TRIM14: variants seen among roughly 807,000 people sequenced by gnomAD.
TRIM14 encodes the protein tripartite motif containing 14.
In TRIM14, 28 loss-of-function variants were observed where a neutral mutation model predicts 44.5. The ratio of observed to expected loss-of-function variants is 0.63; its 90% CI spans 0.47 to 0.86. The LOEUF (loss-of-function observed/expected upper bound fraction) is 0.86. Among genes scored for constraint, TRIM14 ranks in the 40% least tolerant of loss-of-function variants. The pLI, the probability that TRIM14 is intolerant of heterozygous loss-of-function variation, is 0.00. For missense variants in TRIM14, 607 were observed against 611.1 expected, an observed-to-expected ratio of 0.99 and a Z score of 0.07; for synonymous variants, 299 against 269.2, an observed-to-expected ratio of 1.11 and a Z score of -1.08.
the TRIM14 span, among the ~76,000 whole-genome samples, chr9:98,060,470 A>T: frequency 6.6e-6 from 1 of 152,244 alleles, no homozygotes; most frequent in African/African-American, 2.4e-5. Flanking sequence ...GGAGTTCAAG[A>T]CCAGCCTGGC....
At chr9:98,102,385 G>A (rs1826431619) in intron 2 of TRIM14, among the ~76,000 whole-genome samples, 1 of 152,112 alleles carries the variant, frequency 6.6e-6, no homozygotes, top group South Asian at 2.1e-4. Flanking sequence ...CTGTGCACCA[G>A]CCTCAGACAG....
At chr9:98,044,221 C>T in the TRIM14 span, among the ~76,000 whole-genome samples, 1 of 151,930 alleles carries the variant, frequency 6.6e-6, no homozygotes, top group Non-Finnish European at 1.5e-5. Context: ...ATATGCCCTT[C>T]CTGGACAAGC....
the TRIM14 span, among the ~76,000 whole-genome samples, chr9:98,057,732 T>C: frequency 6.6e-6 from 1 of 152,148 alleles, no homozygotes; most frequent in African/African-American, 2.4e-5. Context: ...GCCTGCACTA[T>C]GATTCTTTGG....
At chr9:98,051,668 G>T in the TRIM14 span, among the ~76,000 whole-genome samples, 1 of 152,146 alleles carries the variant, frequency 6.6e-6, no homozygotes, top group Admixed American at 6.5e-5. Flanking sequence ...GGGTTAAGAG[G>T]AGTGAGCCAA....
At position 98,087,875 on chromosome 9, in the gene TRIM14, G is replaced by C. The variant is rs1825846634; in HGVS notation, c.924C>G (p.Leu308=). The C allele has an allele frequency of 3.8e-6, 6 of 1,567,978 alleles. No individual in the cohort carries two copies. Among genetic ancestry groups the C allele is most frequent in the Non-Finnish European group, 5.1e-6 (6 of 1,167,346 alleles). The change falls in exon 6 of 6, where the codon CTC becomes CTG. Residue 308 remains leucine (L), a synonymous_variant. Coordinates refer to ENST00000341469, the MANE Select transcript of TRIM14 (RefSeq NM_014788.4). ...GPVPVLRFDA[L]WQVLARDCFA... The stretch of plus-strand genomic sequence containing the variant: ...AGCAGTCACGAGCCAGCACTTGCCA[G>C]AGCGCGTCGAACCGCAGCACGGGCA...
chr9:98,104,941 T>A (rs1826547020), intron 2 of TRIM14, among the ~76,000 whole-genome samples: 1 of 146,752 alleles, frequency 6.8e-6, no homozygotes, highest in Admixed American at 7.0e-5. Context: ...AAAGAAGGCA[T>A]GCTGTCCAAC....
chr9:98,112,105 T>C (rs1432553834), intron 1 of TRIM14, among the ~76,000 whole-genome samples: 1 of 152,222 alleles, frequency 6.6e-6, no homozygotes, highest in Non-Finnish European at 1.5e-5. Flanking sequence ...CTAGAAATTA[T>C]GAAATTATTT....
At chr9:98,045,973 G>T in the TRIM14 span, among the ~76,000 whole-genome samples, 1 of 152,262 alleles carries the variant, frequency 6.6e-6, no homozygotes, top group African/African-American at 2.4e-5. Flanking sequence ...GATTGAATTA[G>T]ATCTGGTAAT....
chr9:98,063,055 G>T, the TRIM14 span, among the ~76,000 whole-genome samples: 164 of 151,698 alleles, frequency 1.1e-3, no homozygotes, highest in Non-Finnish European at 1.4e-3. Context: ...TCCTGTCTCA[G>T]TCTCCCAAGT....
rs543677793 is a variant in TRIM14, at chr9:98,087,765, C to G, written c.1034G>C (p.Arg345Pro). The part of the protein sequence containing the change: ...WWVGAAYASL[R>P]RRGASAAARL... ...GGCGGCGGCCGAGGCCCCGCGGCGCCGAAGGGAGGCGTAGGCCGCGCCCAC... is the reference window on the plus strand; with the variant it reads ...GGCGGCGGCCGAGGCCCCGCGGCGCGGAAGGGAGGCGTAGGCCGCGCCCAC... The change falls in exon 6 of 6, where the codon CGG becomes CCG. Residue 345 changes from arginine (R) to proline (P), a missense_variant. Around this residue, in one of 3 missense-constraint regions of TRIM14, gnomAD observed 356 missense variants for 323.0 expected, o/e 1.10. Transcript: ENST00000341469. 1.4e-4 allele frequency: 215 copies of G among 1,530,250 alleles called. 1 individual carries two copies. The highest frequency in any genetic ancestry group is 2.5e-4 in the Admixed American group (12 of 47,956). 94.8% of individuals were successfully genotyped at this position (1,530,250 alleles called of 1,614,324 possible).
intron 6 of TRIM14, among the ~76,000 whole-genome samples, chr9:98,073,776 A>G (rs1361517298): frequency 2.0e-5 from 3 of 151,404 alleles, no homozygotes; most frequent in African/African-American, 7.3e-5. Flanking sequence ...CTCATTCATT[A>G]ATTGATTTAG....
chr9:98,101,695 C>T (rs1261496971), intron 2 of TRIM14, among the ~76,000 whole-genome samples: 2 of 152,194 alleles, frequency 1.3e-5, no homozygotes, highest in African/African-American at 2.4e-5. Context: ...TGCTGGATTA[C>T]AGGCATGAGC....
chr9:98,107,878 G>A (rs1186845330), intron 2 of TRIM14, among the ~76,000 whole-genome samples: 1 of 151,910 alleles, frequency 6.6e-6, no homozygotes, highest in African/African-American at 2.4e-5. Context: ...ATGATGGCCA[G>A]GCTGGTCTCG....
At chr9:98,058,658 G>A in the TRIM14 span, among the ~76,000 whole-genome samples, 2 of 152,206 alleles carry the variant, frequency 1.3e-5, no homozygotes, top group African/African-American at 2.4e-5. Context: ...AGGTGCAGTG[G>A]CTGATTCCTG....
At chr9:98,073,850 G>A (rs984670481) in intron 6 of TRIM14, among the ~76,000 whole-genome samples, 7 of 151,986 alleles carry the variant, frequency 4.6e-5, no homozygotes, top group African/African-American at 1.7e-4. Flanking sequence ...GCAGTGACAC[G>A]ACCTCAGCTC....
At chr9:98,092,728 C>G (rs1826043501) in intron 4 of TRIM14, among the ~76,000 whole-genome samples, 1 of 152,266 alleles carries the variant, frequency 6.6e-6, no homozygotes, top group Non-Finnish European at 1.5e-5. Flanking sequence ...TTTGGCCAAT[C>G]AGATGTAGCC....
downstream of TRIM14, among the ~76,000 whole-genome samples, chr9:98,067,918 C>A (rs1271605271): frequency 6.6e-6 from 1 of 152,012 alleles, no homozygotes; most frequent in African/African-American, 2.4e-5. Flanking sequence ...GACAAGATCT[C>A]ACTATGTAGC....
the TRIM14 span, among the ~76,000 whole-genome samples, chr9:98,047,885 T>G: frequency 6.6e-6 from 1 of 151,934 alleles, no homozygotes; most frequent in East Asian, 1.9e-4. Flanking sequence ...GCCAATGTGG[T>G]GAAACTTCAT....
chr9:98,116,806 T>TGC (rs370337152), intron 1 of TRIM14, among the ~76,000 whole-genome samples: 91 of 149,668 alleles, frequency 6.1e-4, no homozygotes, highest in South Asian at 4.8e-3. Context: ...ATCATGCCAT[T>TGC]GCACTCTAGT....
Sources: gnomAD v4.1 joint callset for allele counts (sites outside exome capture counted in the v4.1 genomes callset) on GRCh38, gnomAD v4.1.1 for gene constraint, gnomAD v4.1.1 regional missense constraint, MANE v1.5 for transcripts, NCBI Gene and HGNC (gene_info 2026-07-23, HGNC 2026-07-21) for gene names.